The following PEAK1 variants were observed in gnomAD, a reference collection of about 807,000 sequenced individuals.
The protein encoded by PEAK1 is pseudopodium enriched atypical kinase 1, also known as inactive tyrosine-protein kinase PEAK1.
In PEAK1, 54 loss-of-function variants were observed where a neutral mutation model predicts 124.7. That is an observed-to-expected ratio of 0.43 (90% confidence interval 0.35 to 0.54). The LOEUF (loss-of-function observed/expected upper bound fraction) is 0.54, where lower values mean the gene tolerates loss of function less well. Ranked by LOEUF, PEAK1 falls within the 20% of genes least tolerant of loss-of-function variation. The pLI is 0.01. For missense variants in PEAK1, 2,046 were observed against 2,134.5 expected, an observed-to-expected ratio of 0.96 and a Z score of 0.82; for synonymous variants, 719 against 760.0, an observed-to-expected ratio of 0.95 and a Z score of 0.89.
chr15:77,239,599 T>C (rs1567153542), intron 6 of PEAK1, among the ~76,000 whole-genome samples: 1 of 152,176 alleles, frequency 6.6e-6, no homozygotes, highest in Non-Finnish European at 1.5e-5. Flanking sequence ...TATGTATAAG[T>C]AAGTAGATGA....
intron 7 of PEAK1, among the ~76,000 whole-genome samples, chr15:77,163,885 G>A (rs2055877104): frequency 6.6e-6 from 1 of 152,116 alleles, no homozygotes; most frequent in Admixed American, 6.5e-5. Context: ...CGAAAAATCA[G>A]ACTAAAGCAC....
chr15:77,350,472 G>A, intron 2 of PEAK1: 1 of 985,226 alleles, frequency 1.0e-6, no homozygotes, highest in Non-Finnish European at 1.2e-6. Flanking sequence ...ATATCTTAAG[G>A]TATGTTGCTT....
At chr15:77,121,463 C>T in intron 9 of PEAK1, among the ~76,000 whole-genome samples, 1 of 152,130 alleles carries the variant, frequency 6.6e-6, no homozygotes, top group East Asian at 1.9e-4. Context: ...GGGGCAACGG[C>T]AGATAAACCT....
chr15:77,239,722 G>T, intron 6 of PEAK1: 1 of 562,258 alleles, frequency 1.8e-6, no homozygotes, highest in Non-Finnish European at 2.3e-6. Flanking sequence ...ATCATTACCA[G>T]ATTTACAAAC....
chr15:77,198,321 C>A (rs2152841965), intron 6 of PEAK1, among the ~76,000 whole-genome samples: 1 of 152,262 alleles, frequency 6.6e-6, no homozygotes, highest in East Asian at 1.9e-4. Flanking sequence ...TTTATCATAT[C>A]ATGTTTATTT....
At chr15:77,188,361 C>G (rs1291251476) in intron 6 of PEAK1, among the ~76,000 whole-genome samples, 1 of 152,170 alleles carries the variant, frequency 6.6e-6, no homozygotes, top group Non-Finnish European at 1.5e-5. Context: ...AACAAATGCA[C>G]CCCTGCAAAG....
chr15:77,304,241 A>C (rs2063945912), intron 2 of PEAK1, among the ~76,000 whole-genome samples: 1 of 152,116 alleles, frequency 6.6e-6, no homozygotes, highest in Admixed American at 6.5e-5. Context: ...TTGATTTGGG[A>C]CTGTGTCAAG....
intron 8 of PEAK1, among the ~76,000 whole-genome samples, chr15:77,147,528 A>C (rs535314646): frequency 6.6e-6 from 1 of 152,348 alleles, no homozygotes; most frequent in South Asian, 2.1e-4. Context: ...CACATTAAAA[A>C]AACAGTGATC....
intron 2 of PEAK1, among the ~76,000 whole-genome samples, chr15:77,329,469 A>G (rs761604420): frequency 6.6e-6 from 1 of 152,152 alleles, no homozygotes; most frequent in Non-Finnish European, 1.5e-5. Flanking sequence ...CTGAATTTTA[A>G]TCCCCTCTCT....
chr15:77,180,503 T>A lies in PEAK1; in HGVS notation c.1424A>T (p.Tyr475Phe). ...GGCTGCTGACACATCCACGACAGTA[T>A]ATGGCTTGCACAATGGCTGTTCCAG... ...VNLEQPLCKP[Y>F]TVVDVSAAMA... The change falls in exon 7 of 10, where the codon TAT becomes TTT. Residue 475 changes from tyrosine (Y) to phenylalanine (F), a missense_variant. Physicochemically the swap from Tyr to Phe is conservative, Grantham distance 22. Coordinates refer to ENST00000682557, the MANE Select transcript of PEAK1 (RefSeq NM_001385026.1). 6.2e-7 allele frequency: 1 copy of A among 1,614,114 alleles called. No homozygotes were observed. Among genetic ancestry groups the A allele is most frequent in the Non-Finnish European group, 8.5e-7 (1 of 1,180,002 alleles).
intron 5 of PEAK1, among the ~76,000 whole-genome samples, chr15:77,253,873 A>C (rs1183753654): frequency 6.6e-6 from 1 of 152,058 alleles, no homozygotes; most frequent in Non-Finnish European, 1.5e-5. Flanking sequence ...GCCCAGGCTC[A>C]AGTGCCACGA....
At chr15:77,323,926 C>A (rs1056978073) in intron 2 of PEAK1, among the ~76,000 whole-genome samples, 2 of 152,080 alleles carry the variant, frequency 1.3e-5, no homozygotes, top group Non-Finnish European at 2.9e-5. Flanking sequence ...GTACTGGTAC[C>A]AAAACAGAGA....
rs750999155 is a variant in PEAK1, at chr15:77,180,066, T to C, written c.1861A>G (p.Lys621Glu). Residue 621 changes from lysine to glutamate, a missense_variant, in exon 7 of 10, where the codon AAA becomes GAA. Coordinates refer to ENST00000682557, the MANE Select transcript of PEAK1 (RefSeq NM_001385026.1). ...HDEPTYARSS[K>E]NAIKVPIVIN... ...ACAATGGGAACTTTGATAGCATTTT[T>C]GGAACTCCGAGCATAAGTTGGCTCG... is the stretch of plus-strand genomic sequence containing the variant. 68 of 1,614,062 alleles carry C rather than the reference T, an allele frequency of 4.2e-5. No homozygotes were observed. Among genetic ancestry groups the C allele is most frequent in the Non-Finnish European group, 5.6e-5 (66 of 1,179,924 alleles).
intron 6 of PEAK1, among the ~76,000 whole-genome samples, chr15:77,249,285 T>C (rs1246416082): frequency 2.6e-5 from 4 of 152,174 alleles, no homozygotes; most frequent in African/African-American, 9.7e-5. Flanking sequence ...AAATTATTCT[T>C]TGTCTGTAAG....
chr15:77,389,081 G>A (rs1187500013), intron 1 of PEAK1, among the ~76,000 whole-genome samples: 3 of 150,800 alleles, frequency 2.0e-5, no homozygotes, highest in Non-Finnish European at 4.4e-5. Flanking sequence ...TCCCACCTCA[G>A]CCTCAGCTAG....
At chr15:77,161,542 T>C (rs1478307858) in intron 7 of PEAK1, among the ~76,000 whole-genome samples, 3 of 152,182 alleles carry the variant, frequency 2.0e-5, no homozygotes, top group Non-Finnish European at 4.4e-5. Flanking sequence ...ATCACATGGA[T>C]TTGCAAATGG....
At chr15:77,344,042 C>T (rs2066716342) in intron 2 of PEAK1, among the ~76,000 whole-genome samples, 3 of 152,148 alleles carry the variant, frequency 2.0e-5, no homozygotes, top group African/African-American at 7.2e-5. Flanking sequence ...GGTCTCGCCA[C>T]CCTTGTTGAA....
chr15:77,224,239 G>A (rs1055389894), intron 6 of PEAK1, among the ~76,000 whole-genome samples: 1 of 151,084 alleles, frequency 6.6e-6, no homozygotes, highest in Admixed American at 6.6e-5. Flanking sequence ...TTATAACCTT[G>A]TAAACTAACA....
At chr15:77,343,657 TG>T (rs1440234506) in intron 2 of PEAK1, among the ~76,000 whole-genome samples, 9 of 152,062 alleles carry the variant, frequency 5.9e-5, no homozygotes, top group African/African-American at 1.7e-4. Context: ...GGCTAATTTT[TG>T]TATTTTTTAT....
Sources: allele counts gnomAD v4.1 joint callset (sites outside exome capture counted in the v4.1 genomes callset), GRCh38; gene constraint gnomAD v4.1.1; transcripts MANE v1.5; gene names NCBI Gene and HGNC (gene_info 2026-07-23, HGNC 2026-07-21).